CACNA1S: variants seen among roughly 807,000 people sequenced by gnomAD.
CACNA1S encodes voltage-dependent L-type calcium channel subunit alpha-1S.
A neutral mutation model predicts 207.4 loss-of-function variants in CACNA1S; 126 were observed. The ratio of observed to expected loss-of-function variants is 0.61; its 90% CI spans 0.53 to 0.70. The LOEUF (loss-of-function observed/expected upper bound fraction) is 0.70, where lower values mean the gene tolerates loss of function less well. CACNA1S is among the 30% of genes least tolerant of loss of function. CACNA1S has a pLI of 0.00. For missense variants in CACNA1S, 2,349 were observed against 2,422.8 expected (o/e 0.97, Z 0.64); for synonymous variants, 960 against 932.7 (o/e 1.03, Z -0.53).
At chr1:201,065,711 A>AT (rs1661212047) in intron 22 of CACNA1S, 127 bp downstream of exon 22, 1 of 719,528 alleles carries the variant, frequency 1.4e-6, no homozygotes, top group Non-Finnish European at 2.5e-6. Context: ...TCAAAATAAA[A>AT]TATTCTCATA....
chr1:201,080,844 G>T (rs2102148395), intron 10 of CACNA1S, among the ~76,000 whole-genome samples: 1 of 152,230 alleles, frequency 6.6e-6, no homozygotes, highest in East Asian at 1.9e-4. Flanking sequence ...CATCCTTAAA[G>T]AATGGTTTAT....
intron 29 of CACNA1S, among the ~76,000 whole-genome samples, 154 bp downstream of exon 29, chr1:201,054,351 G>T (rs571475566): frequency 6.6e-6 from 1 of 152,170 alleles, no homozygotes; most frequent in Non-Finnish European, 1.5e-5. Context: ...GCCCCCACCC[G>T]AGCCTAGCCT....
chr1:201,080,440 GACA>G (rs1366412463), intron 10 of CACNA1S, among the ~76,000 whole-genome samples: 2 of 152,148 alleles, frequency 1.3e-5, no homozygotes, highest in East Asian at 1.9e-4. Flanking sequence ...ACAGTGTTTT[GACA>G]ACGATTGGCA....
intron 3 of CACNA1S, 49 bp from the exon 4 acceptor site, chr1:201,092,163 C>T (rs1376618709): frequency 1.5e-5 from 24 of 1,611,896 alleles, no homozygotes; most frequent in Non-Finnish European, 2.0e-5. Flanking sequence ...GGAAAAGCCA[C>T]TGCCCCAGTG....
intron 10 of CACNA1S, among the ~76,000 whole-genome samples, chr1:201,080,537 C>T (rs940985055): frequency 2.6e-5 from 4 of 152,060 alleles, no homozygotes; most frequent in Non-Finnish European, 5.9e-5. Context: ...TTAAAACTAG[C>T]TTTGTTTCCT....
intron 2 of CACNA1S, among the ~76,000 whole-genome samples, chr1:201,109,906 A>G (rs1663033351): frequency 6.6e-6 from 1 of 152,226 alleles, no homozygotes; most frequent in African/African-American, 2.4e-5. Flanking sequence ...TACTCTCATC[A>G]GGTATTAGCA....
In CACNA1S at chr1:201,078,010, GA is replaced by G; in HGVS notation, c.1487del (p.Phe496SerfsTer24). On this transcript the variant is annotated frameshift_variant, in exon 11 of 44. Transcript: ENST00000362061. LOFTEE classifies it high-confidence loss of function. ...LGLRQYFMSI[F>X]NRFDCFVVCS... ...ACACCACGAAGCAGTCGAAGCGGTT[GA>G]AGATAGACATGAAGTACTGGCGCAG... 1 of 1,614,196 alleles carries G rather than the reference GA, an allele frequency of 6.2e-7. No individual in the cohort carries two copies. The highest frequency in any genetic ancestry group is 2.2e-5 in the East Asian group (1 of 44,880).
intron 41 of CACNA1S, 91 bp from the exon 42 acceptor site, chr1:201,040,804 A>AGCGAGC: frequency 1.1e-6 from 1 of 921,754 alleles, no homozygotes; most frequent in Non-Finnish European, 1.7e-6. Context: ...GGCTAGCCAC[A>AGCGAGC]CTCTGTGAGA....
At chr1:201,098,000 AC>A (rs753742456) in intron 2 of CACNA1S, among the ~76,000 whole-genome samples, 38 of 151,940 alleles carry the variant, frequency 2.5e-4, no homozygotes, top group Middle Eastern at 3.2e-3. Flanking sequence ...TATCACTGAG[AC>A]CTTCCTGGCT....
chr1:201,042,408 G>A (rs755097015), intron 40 of CACNA1S, among the ~76,000 whole-genome samples: 1 of 152,196 alleles, frequency 6.6e-6, no homozygotes, highest in Non-Finnish European at 1.5e-5. Context: ...AAAGTGCTGG[G>A]ATTACAGGCA....
In CACNA1S at chr1:201,066,113, G is replaced by A; in HGVS notation, c.2745+116C>T. Reference sequence around the variant, plus strand: ...CCCAGCCTCATCCTTACCCCTATCTGCCCAGGGAGATGGGACAGGGGTCCC... The same window carrying A: ...CCCAGCCTCATCCTTACCCCTATCTACCCAGGGAGATGGGACAGGGGTCCC... On this transcript the variant is annotated intron_variant, in intron 21 of 43. Transcript: ENST00000362061. This position sits in a 1 kb window ranked among gnomAD's most constrained non-coding sequence, Gnocchi z 4.3. 1 of 1,073,114 alleles carries A rather than the reference G, an allele frequency of 9.3e-7. No individual in the cohort carries two copies. The highest frequency in any genetic ancestry group is 1.4e-6 in the Non-Finnish European group (1 of 700,220). 66.5% of individuals were successfully genotyped at this position (1,073,114 alleles called of 1,614,324 possible).
chr1:201,094,945 G>A (rs1259946643), intron 2 of CACNA1S, among the ~76,000 whole-genome samples: 3 of 152,012 alleles, frequency 2.0e-5, no homozygotes, highest in Non-Finnish European at 4.4e-5. Context: ...GAGGAAGCAA[G>A]TCTCTCTTGT....
intron 2 of CACNA1S, among the ~76,000 whole-genome samples, chr1:201,097,353 C>T (rs908324687): frequency 7.2e-5 from 11 of 152,262 alleles, no homozygotes; most frequent in Admixed American, 3.3e-4. Context: ...CCCTTGCTGA[C>T]CCCTCTGGCC....
In CACNA1S at chr1:201,069,612, GAGGT is replaced by G. The variant is rs1572042717; in HGVS notation, c.2361-15_2361-12del. ...CACAGGACACGGATCCTGGTGGGGC[GAGGT>G]AGGGAGGGCAGGGGAGCTGTGAGCT... On this transcript the variant is annotated splice_polypyrimidine_tract_variant and intron_variant, in intron 17 of 43. Coordinates refer to ENST00000362061, the MANE Select transcript of CACNA1S (RefSeq NM_000069.3). 1.3e-6 allele frequency: 2 copies of G among 1,551,576 alleles called. No individual in the cohort carries two copies. Among genetic ancestry groups the G allele is most frequent in the Non-Finnish European group, 1.7e-6 (2 of 1,146,734 alleles).
At chr1:201,088,495 C>T (rs978067353) in intron 6 of CACNA1S, among the ~76,000 whole-genome samples, 2 of 152,154 alleles carry the variant, frequency 1.3e-5, no homozygotes, top group Admixed American at 1.3e-4. Context: ...ATTTGCAAAG[C>T]ATTTGACAGT....
At chr1:201,086,314 T>G (rs1167539563) in intron 7 of CACNA1S, among the ~76,000 whole-genome samples, 1 of 152,222 alleles carries the variant, frequency 6.6e-6, no homozygotes, top group Non-Finnish European at 1.5e-5. Context: ...TTCAGAATAA[T>G]GTGAAATGCA....
At chr1:201,064,865 C>G (rs1473571036) in intron 22 of CACNA1S, among the ~76,000 whole-genome samples, 2 of 152,220 alleles carry the variant, frequency 1.3e-5, no homozygotes, top group South Asian at 2.1e-4. Flanking sequence ...GAACTCCCAG[C>G]CTTAGAGGCT....
chr1:201,047,704 T>G, intron 36 of CACNA1S, 78 bp from the exon 37 acceptor site: 1 of 925,628 alleles, frequency 1.1e-6, no homozygotes, highest in Non-Finnish European at 1.8e-6. Flanking sequence ...TTTCTGAACC[T>G]TTCAGACAGC....
At position 201,083,415 on chromosome 1, in the gene CACNA1S, G is replaced by A. The variant is rs142939420; in HGVS notation, c.1233-93C>T. On this transcript the variant is annotated intron_variant, in intron 9 of 43. Coordinates refer to ENST00000362061, the MANE Select transcript of CACNA1S (RefSeq NM_000069.3). The stretch of plus-strand genomic sequence containing the variant: ...TTCAGACAAACTCCAGGCATGCGTA[G>A]CCTGACCACCCCACTTCCGCCAGCC... The A allele has an allele frequency of 3.6e-3, 4,757 of 1,328,408 alleles. 10 individuals are homozygous for A. The highest frequency in any genetic ancestry group is 4.9e-3 in the Non-Finnish European group (4,512 of 921,460). The allele number at this position is 1,328,408 out of a possible 1,614,324, so 82.3% of individuals were successfully genotyped here.
Sources: gnomAD v4.1 joint callset for allele counts (sites outside exome capture counted in the v4.1 genomes callset) on GRCh38, gnomAD v4.1.1 for gene constraint, Gnocchi (gnomAD v3.1) non-coding constraint, MANE v1.5 for transcripts, NCBI Gene and HGNC (gene_info 2026-07-23, HGNC 2026-07-21) for gene names.